The following SKOR2 variants were observed in gnomAD, a reference collection of about 807,000 sequenced individuals.
SKOR2 encodes LBX1 corepressor 1-like protein.
A neutral mutation model predicts 69.1 loss-of-function variants in SKOR2; 47 were observed. The ratio of observed to expected loss-of-function variants is 0.68; its 90% CI spans 0.54 to 0.87. SKOR2 has a LOEUF of 0.87. Among genes scored for constraint, SKOR2 ranks in the 40% least tolerant of loss-of-function variants. The pLI is 0.00. For missense variants in SKOR2, 1,404 were observed against 1,472.2 expected (o/e 0.95, Z 0.76); for synonymous variants, 717 against 672.6 (o/e 1.07, Z -1.02).
intron 4 of SKOR2, among the ~76,000 whole-genome samples, chr18:47,239,698 A>C (rs1035691715): frequency 6.6e-6 from 1 of 152,158 alleles, no homozygotes; most frequent in African/African-American, 2.4e-5. Flanking sequence ...TATTTTTAAC[A>C]ATCATTAGTA....
chr18:47,238,320 C>CTTT (rs772229985), intron 4 of SKOR2, among the ~76,000 whole-genome samples: 21 of 107,986 alleles, frequency 1.9e-4, no homozygotes, highest in Non-Finnish European at 2.9e-4. Context: ...CTTTTCTTTT[C>CTTT]TTTTTTTTTT....
At chr18:47,224,120 G>C (rs577130119) in intron 6 of SKOR2, among the ~76,000 whole-genome samples, 58 of 151,866 alleles carry the variant, frequency 3.8e-4, no homozygotes, top group African/African-American at 1.3e-3. Context: ...ATTGGCCAGG[G>C]TGCTCTCAAA....
chr18:47,249,332 G>A, intron 1 of SKOR2, 102 bp from the exon 2 acceptor site: 2 of 1,121,032 alleles, frequency 1.8e-6, no homozygotes, highest in Non-Finnish European at 2.5e-6. Context: ...TTCTTGCTTT[G>A]GTTAAGACAC....
At chr18:47,238,277 C>T (rs964578290) in intron 4 of SKOR2, among the ~76,000 whole-genome samples, 3 of 150,960 alleles carry the variant, frequency 2.0e-5, no homozygotes, top group Non-Finnish European at 4.4e-5. Context: ...TTTAATTGCA[C>T]ACTCACAGGT....
At chr18:47,241,162 A>G (rs1356076556) in intron 4 of SKOR2, among the ~76,000 whole-genome samples, 1 of 152,232 alleles carries the variant, frequency 6.6e-6, no homozygotes, top group Non-Finnish European at 1.5e-5. Flanking sequence ...CCCAGAGTCT[A>G]GGAAAGTACT....
chr18:47,249,128 C>T lies in SKOR2; in HGVS notation c.56G>A (p.Ser19Asn), dbSNP rs1485935707. Residue 19 changes from serine (S) to asparagine (N), a missense_variant, in exon 2 of 9, where the codon AGC becomes AAC. Coordinates refer to ENST00000425639, the MANE Select transcript of SKOR2 (RefSeq NM_001278063.4). ...PNDILLASPSSAFQPDTLSQP... is the reference protein window; with the variant it reads ...PNDILLASPSNAFQPDTLSQP... ...GCTCAGCGTGTCGGGCTGGAAGGCG[C>T]TCGACGGCGACGCCAGCAGGATGTC... The T allele has an allele frequency of 2.6e-6, 4 of 1,535,918 alleles. No homozygotes were observed. Among genetic ancestry groups the T allele is most frequent in the Non-Finnish European group, 3.5e-6 (4 of 1,146,764 alleles).
chr18:47,235,369 AAAG>A (rs903573453), intron 4 of SKOR2, among the ~76,000 whole-genome samples: 5 of 152,222 alleles, frequency 3.3e-5, no homozygotes, highest in East Asian at 1.9e-4. Flanking sequence ...TAAATACAAA[AAAG>A]AAGAAGAAAA....
At chr18:47,238,764 T>C (rs1301552455) in intron 4 of SKOR2, among the ~76,000 whole-genome samples, 2 of 152,244 alleles carry the variant, frequency 1.3e-5, no homozygotes, top group African/African-American at 4.8e-5. Flanking sequence ...ACTCATGTGC[T>C]AGCTGTGTCT....
At position 47,248,713 on chromosome 18, in the gene SKOR2, G is replaced by A; in HGVS notation, c.471C>T (p.Gly157=). The change falls in exon 2 of 9, where the codon GGC becomes GGT. Residue 157 remains glycine, a synonymous_variant. Coordinates refer to ENST00000425639, the MANE Select transcript of SKOR2 (RefSeq NM_001278063.4). The surrounding 1 kb of genome is among the most constrained non-coding windows in gnomAD (Gnocchi z 6.4). ...TGTTGTAGCGCGCGGGAATGAAGCT[G>A]CCGCGGCAGCCCCAGGCGCACTCGT... ...VSHECAWGCR[G]SFIPARYNSS... is the part of the protein sequence containing the mutation. 1 of 1,557,890 alleles carries A rather than the reference G, an allele frequency of 6.4e-7. No homozygotes were observed. The highest frequency in any genetic ancestry group is 8.6e-7 in the Non-Finnish European group (1 of 1,158,034).
intron 8 of SKOR2, among the ~76,000 whole-genome samples, chr18:47,208,989 A>G (rs2064120435): frequency 6.6e-6 from 1 of 152,190 alleles, no homozygotes; most frequent in Non-Finnish European, 1.5e-5. Context: ...AGGGTAATGG[A>G]TCTTTATGGC....
chr18:47,209,403 T>C (rs909056136), intron 8 of SKOR2, among the ~76,000 whole-genome samples: 3 of 152,190 alleles, frequency 2.0e-5, no homozygotes, highest in African/African-American at 7.2e-5. Context: ...ATTTTTATTT[T>C]GTAATCTCTC....
chr18:47,237,497 A>G (rs988691346), intron 4 of SKOR2, among the ~76,000 whole-genome samples: 5 of 152,222 alleles, frequency 3.3e-5, no homozygotes, highest in Non-Finnish European at 5.9e-5. Flanking sequence ...TTAAACAGTT[A>G]TCACTCTTCT....
At position 47,248,272 on chromosome 18, in the gene SKOR2, G is replaced by A; in HGVS notation, c.912C>T (p.Ala304=). The A allele has an allele frequency of 8.2e-7, 1 of 1,217,476 alleles. No individual in the cohort carries two copies. Among genetic ancestry groups the A allele is most frequent in the Non-Finnish European group, 1.0e-6 (1 of 980,890 alleles). The allele number at this position is 1,217,476 out of a possible 1,614,324, so 75.4% of individuals were successfully genotyped here. ...CGTCGAAGCGCGGCCGCTTGTGATG[G>A]GCGTGCGGGGCACCAGCCAGCTCTG... ...PLAELAGAPH[A]HHKRPRFDDD... The change falls in exon 2 of 9, where the codon GCC becomes GCT. Residue 304 remains alanine, a synonymous_variant. Transcript: ENST00000425639. The surrounding 1 kb of genome is among the most constrained non-coding windows in gnomAD (Gnocchi z 6.4).
chr18:47,214,997 A>ATTTT (rs2064139542), intron 7 of SKOR2, among the ~76,000 whole-genome samples: 1 of 151,812 alleles, frequency 6.6e-6, no homozygotes, highest in African/African-American at 2.4e-5. Context: ...TGGAGTTTAA[A>ATTTT]AAAAAAAAGT....
intron 3 of SKOR2, among the ~76,000 whole-genome samples, chr18:47,245,285 T>C (rs558094397): frequency 1.2e-4 from 18 of 152,216 alleles, no homozygotes; most frequent in African/African-American, 3.9e-4. Context: ...GCACTGTTAT[T>C]TGGGAAACTG....
chr18:47,248,575 T>C lies in SKOR2; in HGVS notation c.609A>G (p.Ala203=). ...GACGGCGCCACGAGTTGAAGTTGGCTGCGTCTGGCTGAGTGTACTTGGCGT... is the reference window on the plus strand; with the variant it reads ...GACGGCGCCACGAGTTGAAGTTGGCCGCGTCTGGCTGAGTGTACTTGGCGT... The part of the protein sequence containing the change: ...TPDAKYTQPD[A]ANFNSWRRHL... The change falls in exon 2 of 9, where the codon GCA becomes GCG. Residue 203 remains alanine (A), a synonymous_variant. Coordinates refer to ENST00000425639, the MANE Select transcript of SKOR2 (RefSeq NM_001278063.4). The surrounding 1 kb of genome is among the most constrained non-coding windows in gnomAD (Gnocchi z 6.4). 6.5e-7 allele frequency: 1 copy of C among 1,538,748 alleles called. No homozygotes were observed. The highest frequency in any genetic ancestry group is 2.0e-5 in the Admixed American group (1 of 51,146).
At chr18:47,220,152 T>C in intron 6 of SKOR2, 142 bp from the exon 7 acceptor site, 1 of 634,248 alleles carries the variant, frequency 1.6e-6, no homozygotes. Flanking sequence ...ATATGCTTGT[T>C]TGAAGAATGT....
chr18:47,230,051 G>A (rs1245732280), intron 6 of SKOR2, among the ~76,000 whole-genome samples: 7 of 152,008 alleles, frequency 4.6e-5, no homozygotes, highest in African/African-American at 9.7e-5. Flanking sequence ...GAAGCTATCA[G>A]GAACAATCTG....
At chr18:47,209,933 TA>T (rs893419655) in intron 8 of SKOR2, among the ~76,000 whole-genome samples, 1 of 151,770 alleles carries the variant, frequency 6.6e-6, no homozygotes, top group Non-Finnish European at 1.5e-5. Flanking sequence ...CTTTACAAAA[TA>T]AAAAAAATTT....
Sources: allele counts gnomAD v4.1 joint callset (sites outside exome capture counted in the v4.1 genomes callset), GRCh38; gene constraint gnomAD v4.1.1; non-coding constraint Gnocchi (gnomAD v3.1); transcripts MANE v1.5; gene names NCBI Gene and HGNC (gene_info 2026-07-23, HGNC 2026-07-21).